ANO2: variants seen among roughly 807,000 people sequenced by gnomAD.
ANO2 encodes the protein anoctamin-2.
A neutral mutation model predicts 124.2 loss-of-function variants in ANO2; 101 were observed. The ratio of observed to expected loss-of-function variants is 0.81; its 90% CI spans 0.69 to 0.96. The LOEUF (loss-of-function observed/expected upper bound fraction) is 0.96, where lower values mean the gene tolerates loss of function less well. Ranked by LOEUF, ANO2 falls within the 40% of genes least tolerant of loss-of-function variation. ANO2 has a pLI of 0.00. For synonymous variants in ANO2, 486 were observed against 482.5 expected (o/e 1.01, Z -0.09); for missense variants, 1,293 against 1,274.5 (o/e 1.01, Z -0.22).
intron 3 of ANO2, among the ~76,000 whole-genome samples, chr12:5,910,914 A>G (rs1213290808): frequency 6.6e-6 from 1 of 152,204 alleles, no homozygotes; most frequent in Non-Finnish European, 1.5e-5. Context: ...ACACTTGCAC[A>G]GTCCACGCCA....
At chr12:5,843,148 A>C (rs986554822) in intron 4 of ANO2, among the ~76,000 whole-genome samples, 10 of 152,204 alleles carry the variant, frequency 6.6e-5, no homozygotes, top group African/African-American at 9.6e-5. Context: ...TCATTTAAAA[A>C]GTTACTGACA....
intron 6 of ANO2, among the ~76,000 whole-genome samples, chr12:5,828,576 A>G (rs1294604370): frequency 6.6e-6 from 1 of 152,182 alleles, no homozygotes; most frequent in African/African-American, 2.4e-5. Flanking sequence ...CATGTCTTAG[A>G]GCACAGTCCT....
intron 20 of ANO2, among the ~76,000 whole-genome samples, 172 bp downstream of exon 20, chr12:5,599,312 A>G (rs1943814131): frequency 6.6e-6 from 1 of 152,156 alleles, no homozygotes; most frequent in African/African-American, 2.4e-5. Context: ...TTTCTGCCCC[A>G]TTCTTCTCAA....
chr12:5,793,349 T>C (rs1952753627), intron 10 of ANO2, among the ~76,000 whole-genome samples: 1 of 152,158 alleles, frequency 6.6e-6, no homozygotes, highest in Non-Finnish European at 1.5e-5. Context: ...GAAAAATTCT[T>C]CATTCCTTCC....
intron 10 of ANO2, among the ~76,000 whole-genome samples, chr12:5,793,974 T>C (rs942491264): frequency 6.6e-6 from 1 of 152,054 alleles, no homozygotes; most frequent in Non-Finnish European, 1.5e-5. Flanking sequence ...CACAGCATGA[T>C]GGGATTAACA....
chr12:5,610,983 T>TTTTTTTTTTGCTTTTTTTTTTG (rs1555100751), intron 19 of ANO2, among the ~76,000 whole-genome samples: 20 of 121,724 alleles, frequency 1.6e-4, no homozygotes, highest in Non-Finnish European at 2.8e-4. Context: ...TTTTTTTTTT[T>TTTTTTTTTTGCTTTTTTTTTTG]TTTTTTGAGA....
chr12:5,903,651 G>GTGTT (rs1940468334), intron 3 of ANO2, among the ~76,000 whole-genome samples: 2 of 150,524 alleles, frequency 1.3e-5, no homozygotes, highest in South Asian at 4.2e-4. Flanking sequence ...GCAAAGATGT[G>GTGTT]TGTGTGTGTG....
intron 4 of ANO2, among the ~76,000 whole-genome samples, chr12:5,840,904 A>C (rs950335703): frequency 6.6e-6 from 1 of 152,176 alleles, no homozygotes; most frequent in Admixed American, 6.5e-5. Context: ...GGCTGGGCTG[A>C]AGACGATCAT....
intron 14 of ANO2, among the ~76,000 whole-genome samples, chr12:5,717,987 T>G (rs17723813): frequency 0.21 from 31,688 of 152,206 alleles, 3,518 homozygotes; most frequent in Middle Eastern, 0.27. Flanking sequence ...CAGTAAGGTT[T>G]GGAGAATCAG....
At chr12:5,621,326 TG>T (rs1945108393) in intron 16 of ANO2, among the ~76,000 whole-genome samples, 1 of 152,104 alleles carries the variant, frequency 6.6e-6, no homozygotes, top group Non-Finnish European at 1.5e-5. Context: ...TTTGGAAGAA[TG>T]AAAAAAAATT....
intron 16 of ANO2, among the ~76,000 whole-genome samples, chr12:5,628,806 T>C (rs1025099073): frequency 7.2e-5 from 11 of 152,246 alleles, no homozygotes; most frequent in African/African-American, 2.7e-4. Flanking sequence ...CACTACTAAC[T>C]GTATGCTTCG....
chr12:5,858,643 T>G (rs1157704080), intron 3 of ANO2: 1 of 152,270 alleles, frequency 6.6e-6, no homozygotes, highest in Non-Finnish European at 1.5e-5. Context: ...ATGAGAAATG[T>G]TGCATGGCTG....
intron 3 of ANO2, among the ~76,000 whole-genome samples, chr12:5,899,410 G>A (rs996002707): frequency 2.6e-4 from 39 of 152,280 alleles, no homozygotes; most frequent in African/African-American, 6.5e-4. Context: ...AGGCAACTCC[G>A]CAGAGCCAGG....
At chr12:5,656,491 G>A (rs1055515348) in intron 14 of ANO2, among the ~76,000 whole-genome samples, 4 of 152,094 alleles carry the variant, frequency 2.6e-5, no homozygotes, top group African/African-American at 7.2e-5. Context: ...AGTTGTCATG[G>A]GGTCTACTTC....
rs146071986 is a variant in ANO2 at position 5,787,310 on chromosome 12, T to G, written c.1055+12197A>C. 7.1e-4 allele frequency among the ~76,000 whole-genome samples: 108 copies of G among 152,286 alleles called. 1 individual carries two copies. Among genetic ancestry groups the G allele is most frequent in the African/African-American group, 2.4e-3 (101 of 41,562 alleles). ...TCACATAAGCCAAACCTTTCAATGA[T>G]GTACCCTTTCCTTAGGGTACGGTCC... On this transcript the variant is annotated intron_variant, in intron 10 of 24. Transcript: ENST00000682330. This position sits in a 1 kb window ranked among gnomAD's most constrained non-coding sequence, Gnocchi z 4.2.
chr12:5,812,689 AAAG>A (rs1197184886), intron 7 of ANO2, among the ~76,000 whole-genome samples: 4 of 146,194 alleles, frequency 2.7e-5, no homozygotes, highest in Admixed American at 6.7e-5. Context: ...CAAGAGAAAG[AAAG>A]AAAGAGAAAG....
intron 1 of ANO2, among the ~76,000 whole-genome samples, chr12:5,939,871 G>A (rs370121485): frequency 6.6e-6 from 1 of 152,280 alleles, no homozygotes; most frequent in East Asian, 1.9e-4. Flanking sequence ...CATGGATTTT[G>A]GTAAGCAGCT....
intron 14 of ANO2, among the ~76,000 whole-genome samples, chr12:5,653,534 G>A (rs1013737088): frequency 6.6e-6 from 1 of 152,298 alleles, no homozygotes; most frequent in South Asian, 2.1e-4. Context: ...CACTCAATGA[G>A]TATACCACAT....
chr12:5,818,814 C>T (rs1047800601), intron 7 of ANO2, among the ~76,000 whole-genome samples: 2 of 151,996 alleles, frequency 1.3e-5, no homozygotes, highest in Admixed American at 1.3e-4. Context: ...TACATAATAC[C>T]TTTGACCATA....
Sources: allele counts gnomAD v4.1 joint callset (sites outside exome capture counted in the v4.1 genomes callset), GRCh38; gene constraint gnomAD v4.1.1; non-coding constraint Gnocchi (gnomAD v3.1); transcripts MANE v1.5; gene names NCBI Gene and HGNC (gene_info 2026-07-23, HGNC 2026-07-21).